The following SEPTIN5 variants were observed in gnomAD, a reference collection of about 807,000 sequenced individuals.
SEPTIN5 encodes septin-5.
SEPTIN5 carries 16 observed loss-of-function variants against 51.2 expected under a neutral mutation model. The ratio of observed to expected loss-of-function variants is 0.31; its 90% confidence interval spans 0.21 to 0.47. SEPTIN5 has a LOEUF of 0.47. Ranked by LOEUF, SEPTIN5 falls within the 20% of genes least tolerant of loss-of-function variation. The probability of loss-of-function intolerance (pLI) is 0.99; values close to 1 mark genes in which losing one functional copy is unlikely to be tolerated. For synonymous variants in SEPTIN5, 208 were observed against 191.2 expected (o/e 1.09, Z -0.72); for missense variants, 376 against 500.3 (o/e 0.75, Z 2.37).
chr22:19,722,160 A>C, intron 10 of SEPTIN5, 77 bp from the exon 11 acceptor site: 2 of 1,232,754 alleles, frequency 1.6e-6, no homozygotes, highest in Non-Finnish European at 2.2e-6. Flanking sequence ...AGTGGCGGGG[A>C]TGGGCCAGGC....
chr22:19,717,123 C>G lies in SEPTIN5; in HGVS notation c.54+2332C>G, dbSNP rs142983077. On this transcript the variant is annotated intron_variant, in intron 2 of 11. Transcript: ENST00000455784. ...CCAGGCCCCACAACAGGACCAGGGC[C>G]TGGACAGGAAGTGGAGGAGGTCTCT... The G allele has an allele frequency of 3.9e-3, 1,304 of 334,446 alleles. 11 individuals carry two copies. Among genetic ancestry groups the G allele is most frequent in the African/African-American group, 0.031 (1,218 of 39,304 alleles). 20.7% of individuals were successfully genotyped at this position (334,446 alleles called of 1,614,324 possible).
In SEPTIN5 at chr22:19,719,905, C is replaced by T. The variant is rs1935991374; in HGVS notation, c.238+13C>T. 5.6e-6 allele frequency: 9 copies of T among 1,612,206 alleles called. No homozygotes were observed. The highest frequency in any genetic ancestry group is 1.1e-5 in the South Asian group (1 of 91,044). On this transcript the variant is annotated intron_variant, in intron 4 of 11. Coordinates refer to ENST00000455784, the MANE Select transcript of SEPTIN5 (RefSeq NM_002688.6). ...CTCAGTGCTGAGGGTGAGTGGCCCC[C>T]AGGAGGCCCTGGCACTGATCCCCAG...
In SEPTIN5 at chr22:19,719,846, C is replaced by T. The variant is rs1237478215; in HGVS notation, c.192C>T (p.Leu64=). 1.9e-6 allele frequency: 3 copies of T among 1,613,130 alleles called. No homozygotes were observed. The East Asian group carries it at 6.7e-5, about 36-fold the overall frequency. Reference sequence around the variant, plus strand: ...GGAAGTCCACACTGGTCCACAGCCTCTTCCTGACAGACTTGTACAAGGACC... The same window carrying T: ...GGAAGTCCACACTGGTCCACAGCCTTTTCCTGACAGACTTGTACAAGGACC... ...GLGKSTLVHS[L]FLTDLYKDRK... is the part of the protein sequence containing the mutation. Residue 64 remains leucine, a synonymous_variant, in exon 4 of 12, where the codon CTC becomes CTT. Transcript: ENST00000455784.
At chr22:19,719,280 C>T (rs1159754863) in intron 2 of SEPTIN5, among the ~76,000 whole-genome samples, 1 of 152,176 alleles carries the variant, frequency 6.6e-6, no homozygotes, top group Non-Finnish European at 1.5e-5. Flanking sequence ...GGGTCCCAAT[C>T]CTGCTGCCCT....
At position 19,722,356 on chromosome 22, in the gene SEPTIN5, G is replaced by GGGCGGCGGA. The variant is rs771524412; in HGVS notation, c.1053+23_1053+31dup. On this transcript the variant is annotated intron_variant, in intron 11 of 11. Coordinates refer to ENST00000455784, the MANE Select transcript of SEPTIN5 (RefSeq NM_002688.6). ...GATGAGGAAGTATGTGGGGCGGCGGGGGCGGCGGAGGCGGGCGTCAGGGAT... is the reference window on the plus strand; with the variant it reads ...GATGAGGAAGTATGTGGGGCGGCGGGGGCGGCGGAGGCGGCGGAGGCGGGCGTCAGGGAT... 6 of 1,602,074 alleles carry GGGCGGCGGA rather than the reference G, an allele frequency of 3.7e-6. No homozygotes were observed. The highest frequency in any genetic ancestry group is 2.3e-5 in the East Asian group (1 of 44,390).
In SEPTIN5 at chr22:19,720,380, C is replaced by T. The variant is rs369695421; in HGVS notation, c.423C>T (p.Ser141=). 2.5e-4 allele frequency: 403 copies of T among 1,613,982 alleles called. 1 individual carries two copies. In the Middle Eastern group the frequency reaches 3.0e-3, roughly 12 times the overall value. ...TTGAGCAGTACTTCCGTGATGAGAG[C>T]GGCCTCAACCGAAAGAACATCCAAG... The part of the protein sequence containing the change: ...QQFEQYFRDE[S]GLNRKNIQDN... The change falls in exon 6 of 12, where the codon AGC becomes AGT. Residue 141 remains serine (S), a synonymous_variant. Transcript: ENST00000455784.
In SEPTIN5 at chr22:19,722,757, C is replaced by G. The variant is rs1360310300; in HGVS notation, c.*273C>G. ...CCCTTGCCCTTCCCCCGCCCCCGGA[C>G]GGTCACAGCACCCAAACCGCAGGCC... On this transcript the variant is annotated 3_prime_UTR_variant, in exon 12 of 12. Transcript: ENST00000455784. 5.5e-6 allele frequency: 3 copies of G among 546,644 alleles called. No individual in the cohort carries two copies. The highest frequency in any genetic ancestry group is 3.2e-5 in the Admixed American group (1 of 31,286). 33.9% of individuals were successfully genotyped at this position (546,644 alleles called of 1,614,324 possible). A position where few individuals can be genotyped will look rare whatever the true frequency, so the allele number is the denominator to read the frequency against.
At position 19,720,846 on chromosome 22, in the gene SEPTIN5, A is replaced by C; in HGVS notation, c.694A>C (p.Lys232Gln). The change falls in exon 8 of 12, where the codon AAG becomes CAG. Residue 232 changes from lysine (K) to glutamine (Q), a missense_variant. Lys to Gln is a moderately conservative substitution (Grantham distance 53). This residue lies in a region of SEPTIN5 where 287 missense variants were observed against 417.1 expected (regional missense o/e 0.69). Coordinates refer to ENST00000455784, the MANE Select transcript of SEPTIN5 (RefSeq NM_002688.6). ...TGACTCGGACGAGGATGAGGACTTC[A>C]AGCAGCAGGACCGGGAACTGAAGGT... ...ECDSDEDEDF[K>Q]QQDRELKESA... is the part of the protein sequence containing the mutation. 1 of 1,613,748 alleles carries C rather than the reference A, an allele frequency of 6.2e-7. No individual in the cohort carries two copies. The highest frequency in any genetic ancestry group is 2.2e-5 in the East Asian group (1 of 44,882).
At chr22:19,719,159 G>T (rs1935972120) in intron 2 of SEPTIN5, 2 of 232,822 alleles carry the variant, frequency 8.6e-6, no homozygotes, top group East Asian at 1.6e-4. Context: ...CGCCGCCCCC[G>T]CGGCTGGATC....
chr22:19,723,060 C>T lies in SEPTIN5; in HGVS notation c.*576C>T. On this transcript the variant is annotated 3_prime_UTR_variant, in exon 12 of 12. Coordinates refer to ENST00000455784, the MANE Select transcript of SEPTIN5 (RefSeq NM_002688.6). ...AGCGGGGTCGTGACCGCTTACACCC[C>T]TTCTCCACAGCCCGGCCCGACCTGG... 2.0e-6 allele frequency: 1 copy of T among 505,614 alleles called. No individual in the cohort carries two copies. The highest frequency in any genetic ancestry group is 3.8e-6 in the Non-Finnish European group (1 of 263,602). 31.3% of individuals were successfully genotyped at this position (505,614 alleles called of 1,614,324 possible).
intron 2 of SEPTIN5, chr22:19,719,156 C>A (rs1935971994): frequency 8.5e-6 from 2 of 235,160 alleles, no homozygotes; most frequent in South Asian, 1.7e-4. Flanking sequence ...TGCCGCCGCC[C>A]CCGCGGCTGG....
chr22:19,714,526 C>T lies in SEPTIN5; in HGVS notation c.-63C>T. The T allele has an allele frequency of 4.0e-6, 5 of 1,238,842 alleles. No individual in the cohort carries two copies. Among genetic ancestry groups the T allele is most frequent in the Non-Finnish European group, 5.1e-6 (5 of 974,554 alleles). The allele number at this position is 1,238,842 out of a possible 1,614,324, so 76.7% of individuals were successfully genotyped here. A position where few individuals can be genotyped will look rare whatever the true frequency, so the allele number is the denominator to read the frequency against. ...TCACCCCGCAGCCCGGCCTCGGCCT[C>T]CGCCGCTTGTCGTCGCGCCCCGCCC... On this transcript the variant is annotated 5_prime_UTR_variant, in exon 1 of 12. Coordinates refer to ENST00000455784, the MANE Select transcript of SEPTIN5 (RefSeq NM_002688.6). This position sits in a 1 kb window ranked among gnomAD's most constrained non-coding sequence, Gnocchi z 5.2.
intron 2 of SEPTIN5, chr22:19,718,578 G>A: frequency 7.8e-7 from 1 of 1,290,300 alleles, no homozygotes; most frequent in Non-Finnish European, 9.8e-7. Context: ...CCGGGTAGGC[G>A]ACGTGCCCTG....
chr22:19,722,093 T>A (rs1008399018), intron 10 of SEPTIN5, 136 bp downstream of exon 10: 3 of 1,241,296 alleles, frequency 2.4e-6, no homozygotes, highest in Non-Finnish European at 3.3e-6. Flanking sequence ...CCCCAGAGCC[T>A]GGTCTCCCTA....
At chr22:19,717,378 T>TAGCC (rs766920390) in intron 2 of SEPTIN5, 7 of 469,570 alleles carry the variant, frequency 1.5e-5, no homozygotes, top group Admixed American at 7.1e-5. Flanking sequence ...GTCCCTGGAG[T>TAGCC]AGCCACATGG....
rs576129546 is a variant in SEPTIN5 at position 19,720,102 on chromosome 22, C to T, written c.239-13C>T. The T allele has an allele frequency of 6.2e-7, 1 of 1,612,904 alleles. No individual in the cohort carries two copies. Among genetic ancestry groups the T allele is most frequent in the Admixed American group, 1.7e-5 (1 of 60,016 alleles). On this transcript the variant is annotated splice_polypyrimidine_tract_variant and intron_variant, in intron 4 of 11. Transcript: ENST00000455784. ...GGGTTGGAGAGGCCCTTCCAGTGGC[C>T]CCTTCCCCGTAGAGCGCATCAGCCA...
chr22:19,719,535 T>A, intron 2 of SEPTIN5, 67 bp from the exon 3 acceptor site: 2 of 1,312,242 alleles, frequency 1.5e-6, no homozygotes, highest in Non-Finnish European at 1.1e-6. Flanking sequence ...CCGCATTTGG[T>A]AAGAGACAGG....
intron 11 of SEPTIN5, 33 bp from the exon 12 acceptor site, chr22:19,722,395 G>A (rs1936063667): frequency 6.3e-7 from 1 of 1,593,634 alleles, no homozygotes; most frequent in South Asian, 1.1e-5. Context: ...CCTCCGCGGT[G>A]CTGCTCACCC....
intron 2 of SEPTIN5, chr22:19,717,271 A>G: frequency 2.1e-6 from 1 of 470,174 alleles, no homozygotes. Flanking sequence ...GAACCTTTCC[A>G]GGCCCCATGT....
Sources: gnomAD v4.1 joint callset for allele counts (sites outside exome capture counted in the v4.1 genomes callset) on GRCh38, gnomAD v4.1.1 for gene constraint, gnomAD v4.1.1 regional missense constraint, Gnocchi (gnomAD v3.1) non-coding constraint, MANE v1.5 for transcripts, NCBI Gene and HGNC (gene_info 2026-07-23, HGNC 2026-07-21) for gene names.